The following PATJ variants were observed in gnomAD, a reference collection of about 807,000 sequenced individuals.
PATJ encodes the protein PATJ crumbs cell polarity complex component.
A neutral mutation model predicts 224.9 loss-of-function variants in PATJ; 190 were observed. The observed-to-expected ratio is 0.84, with a 90% CI of 0.75 to 0.95. The LOEUF is 0.95. Among genes scored for constraint, PATJ ranks in the 40% least tolerant of loss-of-function variants. The pLI, the probability that PATJ is intolerant of heterozygous loss-of-function variation, is 0.00. For missense variants in PATJ, 2,121 were observed against 2,270.3 expected (o/e 0.93, Z 1.34); for synonymous variants, 769 against 820.3 (o/e 0.94, Z 1.07).
intron 15 of PATJ, among the ~76,000 whole-genome samples, chr1:61,824,969 G>C (rs1657979227): frequency 2.0e-5 from 3 of 152,168 alleles, no homozygotes; most frequent in African/African-American, 4.8e-5. Context: ...AGATAATCTG[G>C]TGAAAGAGCT....
chr1:62,128,114 G>T lies in PATJ; in HGVS notation c.5166+20G>T. ...CTTAAAGTAAACGAGAGAACTGGTT[G>T]AAAGACTAACAATATGTGTTGGGGT... On this transcript the variant is annotated intron_variant, in intron 40 of 43. Transcript: ENST00000642238. The T allele has an allele frequency of 6.2e-7, 1 of 1,613,836 alleles. No individual in the cohort carries two copies. The highest frequency in any genetic ancestry group is 8.5e-7 in the Non-Finnish European group (1 of 1,179,878).
chr1:61,978,329 G>A (rs1369736742), intron 27 of PATJ, among the ~76,000 whole-genome samples: 3 of 150,030 alleles, frequency 2.0e-5, no homozygotes, highest in African/African-American at 7.4e-5. Context: ...GCAATGGTGC[G>A]ATCTTGGCTC....
intron 41 of PATJ, among the ~76,000 whole-genome samples, chr1:62,137,374 G>A (rs1274278317): frequency 2.3e-5 from 3 of 130,794 alleles, no homozygotes; most frequent in African/African-American, 8.9e-5. Context: ...TGGAATAAGT[G>A]AGTTTCGTCG....
chr1:62,000,639 A>G (rs991490018), intron 28 of PATJ, among the ~76,000 whole-genome samples: 1 of 150,832 alleles, frequency 6.6e-6, no homozygotes, highest in Non-Finnish European at 1.5e-5. Context: ...GCTATTGTGA[A>G]TAGTGCCACA....
intron 27 of PATJ, among the ~76,000 whole-genome samples, chr1:61,961,136 G>A (rs1192522275): frequency 6.6e-6 from 1 of 152,184 alleles, no homozygotes; most frequent in East Asian, 1.9e-4. Flanking sequence ...GCTCTGGAAC[G>A]ATGCCAACAG....
At chr1:61,770,111 T>C (rs1646516763) in intron 5 of PATJ, among the ~76,000 whole-genome samples, 1 of 152,210 alleles carries the variant, frequency 6.6e-6, no homozygotes, top group African/African-American at 2.4e-5. Flanking sequence ...AAATTCTTAG[T>C]TGATAATACA....
intron 7 of PATJ, among the ~76,000 whole-genome samples, chr1:61,779,937 AGAGT>A (rs1271900479): frequency 1.3e-5 from 2 of 151,792 alleles, no homozygotes; most frequent in African/African-American, 4.9e-5. Context: ...TTTAACAATC[AGAGT>A]GAGAACTCAC....
chr1:62,099,873 G>A (rs893260921), intron 33 of PATJ, among the ~76,000 whole-genome samples: 1 of 152,132 alleles, frequency 6.6e-6, no homozygotes, highest in African/African-American at 2.4e-5. Context: ...TGAGTCTATT[G>A]TGACAATAAG....
rs555027824 is a variant in PATJ at position 61,901,185 on chromosome 1, A to G, written c.3204-97A>G. ...AAAAATATATTTCAAAAATTTATAT[A>G]AAATATGAGTCACAAGGATATGATG... On this transcript the variant is annotated intron_variant, in intron 23 of 43. Transcript: ENST00000642238. 17 of 594,734 alleles carry G rather than the reference A, an allele frequency of 2.9e-5. No homozygotes were observed. The Admixed American group carries it at 5.3e-4, about 18-fold the overall frequency. The allele number at this position is 594,734 out of a possible 1,614,324, so 36.8% of individuals were successfully genotyped here. A position where few individuals can be genotyped will look rare whatever the true frequency, so the allele number is the denominator to read the frequency against.
intron 5 of PATJ, among the ~76,000 whole-genome samples, chr1:61,769,939 A>G (rs1040246034): frequency 3.2e-4 from 48 of 152,068 alleles, no homozygotes; most frequent in Non-Finnish European, 8.8e-5. Flanking sequence ...AGTCTATGTT[A>G]TCTCCCATGT....
At chr1:62,033,869 C>G (rs985101592) in intron 29 of PATJ, among the ~76,000 whole-genome samples, 2 of 152,138 alleles carry the variant, frequency 1.3e-5, no homozygotes, top group Non-Finnish European at 2.9e-5. Context: ...ACACTACAAG[C>G]TGGAGATACG....
chr1:61,841,612 T>TG lies in PATJ; in HGVS notation c.2112+7830dup, dbSNP rs398102779. Among the ~76,000 whole-genome samples, 118 of 151,312 alleles carry TG rather than the reference T, an allele frequency of 7.8e-4. 1 individual carries two copies. The highest frequency in any genetic ancestry group is 4.2e-3 in the South Asian group (20 of 4,760). The stretch of plus-strand genomic sequence containing the variant: ...TTTTTTCTCTTGCCTTTTTTTTTTT[T>TG]GGGAGCTCTTTGGGTCCACGTCACC... On this transcript the variant is annotated intron_variant, in intron 17 of 43. Coordinates refer to ENST00000642238, the MANE Select transcript of PATJ (RefSeq NM_001350145.3).
In PATJ at chr1:62,162,247, G is replaced by T. The variant is rs1669891644; in HGVS notation, c.*1193G>T. On this transcript the variant is annotated 3_prime_UTR_variant, in exon 44 of 44. Coordinates refer to ENST00000642238, the MANE Select transcript of PATJ (RefSeq NM_001350145.3). ...CACCCCTCGGTCTTAGGAAAAGGAGGTAGAAGCCCCAGAACCACACGGCAG... is the reference window on the plus strand; with the variant it reads ...CACCCCTCGGTCTTAGGAAAAGGAGTTAGAAGCCCCAGAACCACACGGCAG... 6.6e-6 allele frequency: 1 copy of T among 152,186 alleles called. No individual in the cohort carries two copies. Among genetic ancestry groups the T allele is most frequent in the Non-Finnish European group, 1.5e-5 (1 of 68,052 alleles). The allele number at this position is 152,186 out of a possible 1,614,324, so 9.4% of individuals were successfully genotyped here.
Position 61,787,874 on chromosome 1 carries a change from G to C in PATJ, c.970G>C (p.Val324Leu), listed in dbSNP as rs139601247. 4.3e-6 allele frequency: 7 copies of C among 1,613,992 alleles called. No individual in the cohort carries two copies. The highest frequency in any genetic ancestry group is 5.1e-6 in the Non-Finnish European group (6 of 1,180,018). ...RNCGNSVRMLVARDPAGDISV... is the reference protein window; with the variant it reads ...RNCGNSVRMLLARDPAGDISV... ...CTGTGGGAATTCAGTCAGGATGCTCGTTGCTAGAGATCCAGCTGGTGACAT... is the reference window on the plus strand; with the variant it reads ...CTGTGGGAATTCAGTCAGGATGCTCCTTGCTAGAGATCCAGCTGGTGACAT... The change falls in exon 8 of 44, where the codon GTT (valine) becomes CTT (leucine). Residue 324 changes from valine (V) to leucine (L), a missense_variant. By Grantham distance (32) the Val-to-Leu change is conservative (BLOSUM62 1). Coordinates refer to ENST00000642238, the MANE Select transcript of PATJ (RefSeq NM_001350145.3).
chr1:61,773,317 C>T (rs989794671), intron 6 of PATJ, among the ~76,000 whole-genome samples: 3 of 152,040 alleles, frequency 2.0e-5, no homozygotes, highest in Admixed American at 6.6e-5. Context: ...TCACTGCACC[C>T]GGCCCTCCAA....
intron 7 of PATJ, among the ~76,000 whole-genome samples, chr1:61,781,205 C>G (rs1326177382): frequency 6.6e-6 from 1 of 152,138 alleles, no homozygotes; most frequent in Non-Finnish European, 1.5e-5. Context: ...TTTTCCTTTT[C>G]CTGATATACA....
At chr1:62,009,535 T>C (rs1569983538) in intron 28 of PATJ, among the ~76,000 whole-genome samples, 1 of 152,050 alleles carries the variant, frequency 6.6e-6, no homozygotes, top group Admixed American at 6.6e-5. Context: ...CTGATCAGGG[T>C]GGTGGTTGCT....
At chr1:61,796,888 G>A (rs1323149963) in intron 10 of PATJ, among the ~76,000 whole-genome samples, 1 of 134,642 alleles carries the variant, frequency 7.4e-6, no homozygotes, top group African/African-American at 2.9e-5. Context: ...TTCTATCCTT[G>A]CTTCATCTTG....
At chr1:61,755,612 A>G (rs1198257034) in intron 1 of PATJ, among the ~76,000 whole-genome samples, 1 of 152,172 alleles carries the variant, frequency 6.6e-6, no homozygotes, top group African/African-American at 2.4e-5. Flanking sequence ...TGCTAACAGG[A>G]TAAAGACCAG....
Sources: allele counts gnomAD v4.1 joint callset (sites outside exome capture counted in the v4.1 genomes callset), GRCh38; gene constraint gnomAD v4.1.1; transcripts MANE v1.5; gene names NCBI Gene and HGNC (gene_info 2026-07-23, HGNC 2026-07-21).